The following BRSK2 variants were observed in gnomAD, a reference collection of about 807,000 sequenced individuals.
BRSK2 encodes the protein BR serine/threonine kinase 2.
Under a neutral mutation model 83.3 loss-of-function variants are expected in BRSK2, and 19 were observed. The observed-to-expected ratio is 0.23, with a 90% CI of 0.16 to 0.33. The LOEUF is 0.33. Ranked by LOEUF, BRSK2 falls within the 10% of genes least tolerant of loss-of-function variation. The pLI is 1.00. For synonymous variants in BRSK2, 519 were observed against 435.4 expected, an observed-to-expected ratio of 1.19 and a Z score of -2.39; for missense variants, 798 against 1,042.3, an observed-to-expected ratio of 0.77 and a Z score of 3.23.
intron 1 of BRSK2, among the ~76,000 whole-genome samples, chr11:1,400,030 T>C (rs1180486192): frequency 1.3e-5 from 2 of 152,222 alleles, no homozygotes; most frequent in African/African-American, 2.4e-5. Context: ...TCTGCACATA[T>C]AACAGAGAAA....
At chr11:1,400,657 C>T (rs1055326078) in intron 1 of BRSK2, among the ~76,000 whole-genome samples, 2 of 152,006 alleles carry the variant, frequency 1.3e-5, no homozygotes, top group African/African-American at 4.8e-5. Flanking sequence ...CAGGTGGTCT[C>T]GGGGGGCAGA....
intron 13 of BRSK2, 70 bp from the exon 14 acceptor site, chr11:1,450,517 C>T (rs1845687976): frequency 2.7e-6 from 2 of 750,726 alleles, no homozygotes; most frequent in Non-Finnish European, 4.4e-6. Context: ...GCCCGCCTGC[C>T]CTGCGGGTGC....
chr11:1,447,936 A>AC, intron 12 of BRSK2: 2 of 1,425,024 alleles, frequency 1.4e-6, no homozygotes, highest in Non-Finnish European at 1.9e-6. Flanking sequence ...CCGGGCAGGC[A>AC]CATGGGCGGG....
intron 1 of BRSK2, among the ~76,000 whole-genome samples, chr11:1,403,037 A>G (rs12808014): frequency 0.28 from 42,296 of 151,760 alleles, 5,999 homozygotes; most frequent in Middle Eastern, 0.43. Context: ...GACGGGCGGG[A>G]CCCCCCGGGG....
rs142378124 is a variant in BRSK2 at position 1,444,344 on chromosome 11, G to T, written c.781-627G>T. On this transcript the variant is annotated intron_variant, in intron 8 of 19. Transcript: ENST00000528841. ...GCACGTGTCCACTTGACAGAAGCAG[G>T]TCACACTCTGGGCTGACCCTTCCAG... Among the ~76,000 whole-genome samples, 684 of 152,240 alleles carry T rather than the reference G, an allele frequency of 4.5e-3. 19 individuals are homozygous for T. The highest frequency in any genetic ancestry group is 1.1e-3 in the Non-Finnish European group (76 of 67,982).
chr11:1,459,365 A>C, intron 19 of BRSK2, 126 bp downstream of exon 19: 1 of 1,043,172 alleles, frequency 9.6e-7, no homozygotes, highest in Non-Finnish European at 1.5e-6. Context: ...GGCACCCAGC[A>C]GCCCAGATGT....
chr11:1,419,969 C>G (rs887082040), intron 1 of BRSK2, among the ~76,000 whole-genome samples: 1 of 152,176 alleles, frequency 6.6e-6, no homozygotes, highest in African/African-American at 2.4e-5. Context: ...CTGGTGCTCC[C>G]GATTCTGCTC....
In BRSK2 at chr11:1,443,095, C is replaced by A; in HGVS notation, c.531-11C>A. The A allele has an allele frequency of 6.5e-7, 1 of 1,534,238 alleles. No individual in the cohort carries two copies. Among genetic ancestry groups the A allele is most frequent in the South Asian group, 1.2e-5 (1 of 83,800 alleles). ...CGGAGCCCCGCCGCTGACCTCTGCC[C>A]TTGCCCGCAGGTCCCCCCACTACGC... On this transcript the variant is annotated splice_polypyrimidine_tract_variant and intron_variant, in intron 5 of 19. Coordinates refer to ENST00000528841, the MANE Select transcript of BRSK2 (RefSeq NM_001256627.2).
In BRSK2 at chr11:1,400,167, C is replaced by T. The variant is rs551648701; in HGVS notation, c.91+9792C>T. On this transcript the variant is annotated intron_variant, in intron 1 of 19. Coordinates refer to ENST00000528841, the MANE Select transcript of BRSK2 (RefSeq NM_001256627.2). ...ACATTTCCCAGGCCTGGGCCTCCGC[C>T]GCCAGCCCAGTCTCCCTGCAGGAGG... Among the ~76,000 whole-genome samples, 120 of 152,344 alleles carry T rather than the reference C, an allele frequency of 7.9e-4. 2 individuals carry two copies. Among genetic ancestry groups the T allele is most frequent in the Admixed American group, 6.0e-3 (92 of 15,308 alleles).
In BRSK2 at chr11:1,436,242, G is replaced by T. The variant is rs115584864; in HGVS notation, c.186+108G>T. ...GACCTGCGGTGCTGGATGCGGGTGG[G>T]GGGGCGGGCCCTGCAGGCTCCTGGG... is the stretch of plus-strand genomic sequence containing the variant. On this transcript the variant is annotated intron_variant, in intron 2 of 19. Coordinates refer to ENST00000528841, the MANE Select transcript of BRSK2 (RefSeq NM_001256627.2). 5.5e-5 allele frequency: 18 copies of T among 329,096 alleles called. 3 individuals are homozygous for T. In the Admixed American group the frequency reaches 8.6e-4, roughly 16 times the overall value. 20.4% of individuals were successfully genotyped at this position (329,096 alleles called of 1,614,324 possible).
At chr11:1,427,180 C>T (rs1564828050) in intron 1 of BRSK2, among the ~76,000 whole-genome samples, 1 of 152,126 alleles carries the variant, frequency 6.6e-6, no homozygotes, top group East Asian at 1.9e-4. Context: ...GCCGGCAGAG[C>T]TGCAGAACTG....
At chr11:1,429,478 G>T (rs566387342) in intron 1 of BRSK2, among the ~76,000 whole-genome samples, 1 of 151,534 alleles carries the variant, frequency 6.6e-6, no homozygotes, top group Non-Finnish European at 1.5e-5. Flanking sequence ...GTGGCCACAC[G>T]TGCTGTCCCT....
chr11:1,456,696 G>T lies in BRSK2; in HGVS notation c.1939+9G>T. The T allele has an allele frequency of 6.3e-7, 1 of 1,586,512 alleles. No homozygotes were observed. Among genetic ancestry groups the T allele is most frequent in the African/African-American group, 1.3e-5 (1 of 74,724 alleles). On this transcript the variant is annotated intron_variant, in intron 18 of 19. Transcript: ENST00000528841. ...GGCCCAGCACTTGTCAGGTGAGGCGGGCTCAGCTCCGGCCAACCTGCGGCC... is the reference window on the plus strand; with the variant it reads ...GGCCCAGCACTTGTCAGGTGAGGCGTGCTCAGCTCCGGCCAACCTGCGGCC...
intron 2 of BRSK2, among the ~76,000 whole-genome samples, chr11:1,437,082 C>T (rs941306397): frequency 6.6e-6 from 1 of 151,952 alleles, no homozygotes; most frequent in Non-Finnish European, 1.5e-5. Context: ...GAAACAGAGG[C>T]CCTGGGAGTG....
Position 1,394,541 on chromosome 11 carries a change from ATGGAGATGGGTCC to A in BRSK2, c.91+4190_91+4202del, listed in dbSNP as rs1478281771. Among the ~76,000 whole-genome samples the A allele has an allele frequency of 3.1e-3, 131 of 42,250 alleles. 1 individual carries two copies. The highest frequency in any genetic ancestry group is 4.1e-3 in the Non-Finnish European group (88 of 21,466). The allele number at this position is 42,250 out of a possible 152,430, so 27.7% of individuals were successfully genotyped here. On this transcript the variant is annotated intron_variant, in intron 1 of 19. Transcript: ENST00000528841. Reference sequence around the variant, plus strand: ...GGAGATGGGCCCCTGGAGATGGGCCATGGAGATGGGTCCTGGAGATGGGTCCTGGAGATGGGCC... The same window carrying A: ...GGAGATGGGCCCCTGGAGATGGGCCATGGAGATGGGTCCTGGAGATGGGCC...
At chr11:1,439,462 A>G (rs79956640) in intron 3 of BRSK2, among the ~76,000 whole-genome samples, 2,622 of 151,442 alleles carry the variant, frequency 0.017, 32 homozygotes, top group Non-Finnish European at 0.028. Context: ...GGACTGTGAC[A>G]AGGGGCATGG....
chr11:1,426,930 G>A (rs1156854899), intron 1 of BRSK2, among the ~76,000 whole-genome samples: 1 of 152,114 alleles, frequency 6.6e-6, no homozygotes, highest in Non-Finnish European at 1.5e-5. Context: ...GCGGGAGATG[G>A]GGGGGCGGCA....
chr11:1,450,653 C>T lies in BRSK2; in HGVS notation c.1354C>T (p.Pro452Ser), dbSNP rs1845708497. ...PTPKGTPVHTPKESPAGTPNP... is the reference protein window; with the variant it reads ...PTPKGTPVHTSKESPAGTPNP... ...CCCCAAGGGGACACCTGTCCACACG[C>T]CAAAGGAGAGCCCGGCTGGCACGCC... The change falls in exon 14 of 20, where the codon CCA becomes TCA. Residue 452 changes from proline (P) to serine (S), a missense_variant. By Grantham distance (74) the Pro-to-Ser change is moderately conservative. Transcript: ENST00000528841. 5 of 1,609,576 alleles carry T rather than the reference C, an allele frequency of 3.1e-6. No homozygotes were observed. The highest frequency in any genetic ancestry group is 4.2e-6 in the Non-Finnish European group (5 of 1,178,742).
chr11:1,426,813 G>A (rs1366985842), intron 1 of BRSK2, among the ~76,000 whole-genome samples: 1 of 152,016 alleles, frequency 6.6e-6, no homozygotes, highest in Non-Finnish European at 1.5e-5. Context: ...GAGGAGCTCA[G>A]GATCCCTCAG....
Sources: gnomAD v4.1 joint callset for allele counts (sites outside exome capture counted in the v4.1 genomes callset) on GRCh38, gnomAD v4.1.1 for gene constraint, MANE v1.5 for transcripts, NCBI Gene and HGNC (gene_info 2026-07-23, HGNC 2026-07-21) for gene names.